MEIKIN: variants seen among roughly 807,000 people sequenced by gnomAD.
MEIKIN encodes meiosis-specific kinetochore protein.
chr5:131,912,949 G>T (rs1580903972), intron 7 of MEIKIN, among the ~76,000 whole-genome samples: 1 of 152,216 alleles, frequency 6.6e-6, no homozygotes, highest in East Asian at 1.9e-4. Context: ...CTACACTTTG[G>T]GTTCCTCTGG....
chr5:131,904,287 C>G (rs1751208975), intron 8 of MEIKIN, among the ~76,000 whole-genome samples: 1 of 152,160 alleles, frequency 6.6e-6, no homozygotes, highest in South Asian at 2.1e-4. Context: ...CAAAGATATT[C>G]AGAGCCTTAA....
intron 9 of MEIKIN, 107 bp from the exon 10 acceptor site, chr5:131,854,941 T>C (rs1182757771): frequency 2.6e-6 from 1 of 385,330 alleles, no homozygotes; most frequent in Non-Finnish European, 4.6e-6. Flanking sequence ...TAATGTACAG[T>C]ACTAAGAAAA....
chr5:131,825,381 T>C (rs1721626588), intron 11 of MEIKIN, among the ~76,000 whole-genome samples: 1 of 152,072 alleles, frequency 6.6e-6, no homozygotes, highest in Non-Finnish European at 1.5e-5. Flanking sequence ...ATACTCAGGG[T>C]TACAGTTTAT....
At chr5:131,927,114 T>A (rs564073217) in intron 5 of MEIKIN, among the ~76,000 whole-genome samples, 124 of 152,210 alleles carry the variant, frequency 8.1e-4, no homozygotes, top group Admixed American at 1.9e-3. Flanking sequence ...CTTTTTAAAT[T>A]TAGTTATTGT....
intron 11 of MEIKIN, among the ~76,000 whole-genome samples, chr5:131,826,780 T>C (rs974720426): frequency 6.6e-6 from 1 of 152,128 alleles, no homozygotes; most frequent in Non-Finnish European, 1.5e-5. Flanking sequence ...AGGTACCTGC[T>C]TCCCCTTCAC....
At chr5:131,903,329 A>G (rs1209961732) in intron 8 of MEIKIN, among the ~76,000 whole-genome samples, 2 of 152,060 alleles carry the variant, frequency 1.3e-5, no homozygotes, top group African/African-American at 4.8e-5. Flanking sequence ...TAAGAAGACC[A>G]GTCTCAAGAC....
chr5:131,878,338 C>T (rs547653001), intron 9 of MEIKIN, among the ~76,000 whole-genome samples: 261 of 152,216 alleles, frequency 1.7e-3, no homozygotes, highest in Admixed American at 3.5e-3. Flanking sequence ...GAGGCCGAGG[C>T]GGGCGGATCA....
At chr5:131,892,020 G>C (rs4277907) in intron 8 of MEIKIN, among the ~76,000 whole-genome samples, 55,076 of 151,564 alleles carry the variant, frequency 0.36, 11,991 homozygotes, top group African/African-American at 0.62. Context: ...AAATTCTTTT[G>C]TTTAAGAATG....
chr5:131,919,777 G>A (rs1195775395), intron 6 of MEIKIN, among the ~76,000 whole-genome samples: 1 of 152,210 alleles, frequency 6.6e-6, no homozygotes, highest in African/African-American at 2.4e-5. Context: ...GGTTAAGTGA[G>A]AAAGGGGTAG....
chr5:131,849,725 C>T (rs539882085), intron 11 of MEIKIN, among the ~76,000 whole-genome samples: 7 of 151,612 alleles, frequency 4.6e-5, no homozygotes, highest in African/African-American at 1.7e-4. Flanking sequence ...CAGTAAACAT[C>T]ACATTCAATG....
At chr5:131,943,163 A>G (rs374840273) in intron 3 of MEIKIN, among the ~76,000 whole-genome samples, 22 of 152,298 alleles carry the variant, frequency 1.4e-4, no homozygotes, top group Middle Eastern at 3.4e-3. Context: ...TTTAATAGAC[A>G]TTTCACAAAA....
At chr5:131,943,882 C>T (rs533640429) in intron 3 of MEIKIN, among the ~76,000 whole-genome samples, 7 of 152,128 alleles carry the variant, frequency 4.6e-5, no homozygotes, top group African/African-American at 1.2e-4. Context: ...CTATGGGAGG[C>T]CGTGGCGAGC....
intron 4 of MEIKIN, among the ~76,000 whole-genome samples, chr5:131,936,407 T>A (rs1394157994): frequency 6.6e-6 from 1 of 152,208 alleles, no homozygotes; most frequent in Non-Finnish European, 1.5e-5. Context: ...ATTTCTAAAT[T>A]AAATAAATTC....
intron 11 of MEIKIN, among the ~76,000 whole-genome samples, chr5:131,850,057 CA>C (rs70974020): frequency 1.5e-4 from 23 of 149,258 alleles, no homozygotes; most frequent in African/African-American, 5.2e-4. Flanking sequence ...CCAAAAAAAA[CA>C]AAAAAAAAGA....
intron 5 of MEIKIN, among the ~76,000 whole-genome samples, chr5:131,925,739 G>A (rs1580910164): frequency 6.6e-6 from 1 of 152,038 alleles, no homozygotes; most frequent in South Asian, 2.1e-4. Context: ...CATGATCCCG[G>A]CCCACTGCAA....
intron 7 of MEIKIN, among the ~76,000 whole-genome samples, chr5:131,914,874 T>C (rs538633629): frequency 6.6e-6 from 1 of 151,982 alleles, no homozygotes; most frequent in Non-Finnish European, 1.5e-5. Context: ...GGGTAATAAA[T>C]GGGAAGATGA....
intron 8 of MEIKIN, among the ~76,000 whole-genome samples, chr5:131,900,760 T>G (rs1388503052): frequency 6.6e-6 from 1 of 152,088 alleles, no homozygotes; most frequent in Non-Finnish European, 1.5e-5. Flanking sequence ...TAGCCTCAGA[T>G]GCCCAGGTGG....
rs567675737 is a variant in MEIKIN at position 131,929,767 on chromosome 5, AT to A, written c.478+3745del. 3.7e-3 allele frequency among the ~76,000 whole-genome samples: 562 copies of A among 152,264 alleles called. 4 individuals are homozygous for A. The highest frequency in any genetic ancestry group is 0.013 in the African/African-American group (532 of 41,566). ...TGTACTCAATGTTTAGTTCCCACTT[AT>A]GAGAACATATGGTATTTGGTTTTCT... is the stretch of plus-strand genomic sequence containing the variant. On this transcript the variant is annotated intron_variant, in intron 5 of 12. Transcript: ENST00000442687.
intron 9 of MEIKIN, among the ~76,000 whole-genome samples, chr5:131,863,250 C>T (rs1249661679): frequency 6.6e-6 from 1 of 152,006 alleles, no homozygotes; most frequent in Non-Finnish European, 1.5e-5. Context: ...ATGAGAAGAA[C>T]GTTAATATGT....
Sources: gnomAD v4.1 joint callset for allele counts (sites outside exome capture counted in the v4.1 genomes callset) on GRCh38, gnomAD v4.1.1 for gene constraint, MANE v1.5 for transcripts, NCBI Gene and HGNC (gene_info 2026-07-23, HGNC 2026-07-21) for gene names.